Variants in DCDC1 observed in about 807,000 individuals in gnomAD.
DCDC1 encodes the protein doublecortin domain containing 1.
Under a neutral mutation model 178.3 loss-of-function variants are expected in DCDC1, and 200 were observed. That is an observed-to-expected ratio of 1.12 (90% CI 1.00 to 1.26). The LOEUF (loss-of-function observed/expected upper bound fraction) is 1.26. Ranked by LOEUF, DCDC1 falls within the 50% of genes most tolerant of loss-of-function variation. The pLI, the probability that DCDC1 is intolerant of heterozygous loss-of-function variation, is 0.00. For missense variants in DCDC1, 1,983 were observed against 1,749.2 expected, an observed-to-expected ratio of 1.13 and a Z score of -2.38; for synonymous variants, 690 against 604.8, an observed-to-expected ratio of 1.14 and a Z score of -2.07.
At chr11:31,091,652 C>T (rs1957829260) in intron 16 of DCDC1, 141 bp from the exon 17 acceptor site, 3 of 604,648 alleles carry the variant, frequency 5.0e-6, no homozygotes. Context: ...ACACTACCCA[C>T]AACTTAGCAG....
chr11:31,367,856 TAAG>T (rs1333478362), intron 1 of DCDC1, among the ~76,000 whole-genome samples: 1 of 152,238 alleles, frequency 6.6e-6, no homozygotes, highest in African/African-American at 2.4e-5. Flanking sequence ...AAAATTGTTT[TAAG>T]AAGTTTATTT....
intron 27 of DCDC1, among the ~76,000 whole-genome samples, chr11:30,914,558 T>A (rs1945686323): frequency 6.6e-6 from 1 of 151,698 alleles, no homozygotes. Flanking sequence ...ATGGTAGAAT[T>A]TGAAGCAAAC....
At chr11:31,363,870 G>A (rs1483577726) in intron 1 of DCDC1, among the ~76,000 whole-genome samples, 1 of 152,152 alleles carries the variant, frequency 6.6e-6, no homozygotes, top group Non-Finnish European at 1.5e-5. Context: ...CCTGACTTAG[G>A]ATGGTTTGAT....
intron 36 of DCDC1, among the ~76,000 whole-genome samples, chr11:30,888,138 G>GAAAGAAAGA (rs1943441676): frequency 7.1e-6 from 1 of 141,180 alleles, no homozygotes; most frequent in Admixed American, 7.2e-5. Flanking sequence ...AAGAAAGAAA[G>GAAAGAAAGA]AAAGAAAGAA....
At chr11:30,875,456 T>C (rs1221250813) in intron 38 of DCDC1, among the ~76,000 whole-genome samples, 1 of 152,094 alleles carries the variant, frequency 6.6e-6, no homozygotes, top group Non-Finnish European at 1.5e-5. Context: ...GATTTTGTGA[T>C]GTACTAGAAT....
intron 20 of DCDC1, among the ~76,000 whole-genome samples, chr11:30,958,597 A>G (rs1024554734): frequency 4.6e-5 from 7 of 152,178 alleles, no homozygotes; most frequent in South Asian, 2.1e-4. Flanking sequence ...CCTAAGGATC[A>G]GTATATGCAA....
chr11:31,268,845 A>G (rs905513798), intron 7 of DCDC1, among the ~76,000 whole-genome samples: 1 of 152,186 alleles, frequency 6.6e-6, no homozygotes, highest in African/African-American at 2.4e-5. Flanking sequence ...ACAGTGTATA[A>G]GCGTTCCTTT....
intron 20 of DCDC1, among the ~76,000 whole-genome samples, chr11:31,035,857 A>G (rs139539232): frequency 7.9e-4 from 121 of 152,354 alleles, no homozygotes; most frequent in Non-Finnish European, 1.4e-3. Context: ...ATTCTCCTGT[A>G]AGAAAGAGTT....
intron 9 of DCDC1, among the ~76,000 whole-genome samples, chr11:31,148,391 A>G (rs1311613333): frequency 2.6e-5 from 4 of 151,792 alleles, no homozygotes; most frequent in Non-Finnish European, 5.9e-5. Context: ...TACCAAAAAT[A>G]CAAAAAACTA....
chr11:31,028,130 A>T (rs1418770630), intron 20 of DCDC1, among the ~76,000 whole-genome samples: 1 of 151,936 alleles, frequency 6.6e-6, no homozygotes, highest in Non-Finnish European at 1.5e-5. Flanking sequence ...TATAAATAAC[A>T]TATAATAAAG....
chr11:31,040,755 A>G (rs1954387801), intron 20 of DCDC1, among the ~76,000 whole-genome samples: 1 of 152,056 alleles, frequency 6.6e-6, no homozygotes, highest in Non-Finnish European at 1.5e-5. Context: ...CTTCAGAAGG[A>G]AAAAAAATAA....
intron 38 of DCDC1, among the ~76,000 whole-genome samples, chr11:30,873,135 T>C (rs1327007361): frequency 6.6e-6 from 1 of 151,100 alleles, no homozygotes; most frequent in African/African-American, 2.4e-5. Flanking sequence ...TCTGCATATA[T>C]ATACACACGC....
intron 20 of DCDC1, among the ~76,000 whole-genome samples, chr11:30,988,974 G>A (rs895793038): frequency 4.6e-5 from 7 of 152,180 alleles, no homozygotes; most frequent in Non-Finnish European, 1.0e-4. Flanking sequence ...TGAATCTGCA[G>A]AGGTTGAAAC....
chr11:31,329,057 G>T (rs996179614), intron 2 of DCDC1, among the ~76,000 whole-genome samples: 8 of 140,604 alleles, frequency 5.7e-5, no homozygotes, highest in African/African-American at 1.3e-4. Flanking sequence ...TTGCCTTCAA[G>T]GCATGGAAGT....
chr11:31,037,407 T>C (rs1325895337), intron 20 of DCDC1, among the ~76,000 whole-genome samples: 1 of 149,838 alleles, frequency 6.7e-6, no homozygotes, highest in Non-Finnish European at 1.5e-5. Flanking sequence ...TGAAGAAAAA[T>C]TGGCCTGCCT....
intron 3 of DCDC1, among the ~76,000 whole-genome samples, chr11:31,308,506 C>T (rs1181044118): frequency 6.6e-6 from 1 of 152,136 alleles, no homozygotes; most frequent in Non-Finnish European, 1.5e-5. Flanking sequence ...TCACAGCAGA[C>T]CTGAGATTAG....
chr11:30,879,925 T>C (rs764920367), intron 37 of DCDC1, among the ~76,000 whole-genome samples: 3 of 152,102 alleles, frequency 2.0e-5, no homozygotes, highest in Admixed American at 6.6e-5. Flanking sequence ...CCCAGGAATA[T>C]CGAAGACTAA....
intron 20 of DCDC1, among the ~76,000 whole-genome samples, chr11:31,039,484 T>C (rs1187743942): frequency 6.6e-6 from 1 of 152,272 alleles, no homozygotes; most frequent in South Asian, 2.1e-4. Flanking sequence ...AGTCACTAAT[T>C]TGTAAATTAT....
chr11:31,325,076 G>C (rs1023452494), intron 3 of DCDC1, among the ~76,000 whole-genome samples: 149 of 152,218 alleles, frequency 9.8e-4, no homozygotes, highest in African/African-American at 3.5e-3. Flanking sequence ...TTCCTTAGAT[G>C]ATAATTGGTT....
Sources: gnomAD v4.1 joint callset for allele counts (sites outside exome capture counted in the v4.1 genomes callset) on GRCh38, gnomAD v4.1.1 for gene constraint, MANE v1.5 for transcripts, NCBI Gene and HGNC (gene_info 2026-07-23, HGNC 2026-07-21) for gene names.